The following INTS1 variants were observed in gnomAD, a reference collection of about 807,000 sequenced individuals.
The protein encoded by INTS1 is integrator complex subunit 1.
Under a neutral mutation model 241.6 loss-of-function variants are expected in INTS1, and 137 were observed. The ratio of observed to expected loss-of-function variants is 0.57; its 90% CI spans 0.49 to 0.65. The LOEUF (loss-of-function observed/expected upper bound fraction) is 0.65. INTS1 is among the 30% of genes least tolerant of loss of function. The probability of loss-of-function intolerance (pLI) is 0.00; values close to 1 mark genes in which losing one functional copy is unlikely to be tolerated. For missense variants in INTS1, 3,073 were observed against 3,032.2 expected (o/e 1.01, Z -0.32); for synonymous variants, 1,692 against 1,337.8 (o/e 1.26, Z -5.78).
intron 3 of INTS1, among the ~76,000 whole-genome samples, chr7:1,502,637 C>A (rs545019327): frequency 6.6e-6 from 1 of 152,252 alleles, no homozygotes; most frequent in African/African-American, 2.4e-5. Context: ...AAGGGGGCGT[C>A]CAACAGACAC....
At chr7:1,478,248 T>A in intron 33 of INTS1, 118 bp downstream of exon 33, 1 of 1,204,296 alleles carries the variant, frequency 8.3e-7, no homozygotes, top group Non-Finnish European at 1.2e-6. Context: ...CTGTGGGCAC[T>A]TTCCGGGGAC....
At chr7:1,503,251 T>C (rs1783284644) in intron 2 of INTS1, 60 bp from the exon 3 acceptor site, 1 of 1,478,672 alleles carries the variant, frequency 6.8e-7, no homozygotes, top group African/African-American at 1.4e-5. Flanking sequence ...GGAAAAAGAC[T>C]GACTCTAACC....
At chr7:1,485,889 C>T (rs1782238376) in intron 22 of INTS1, among the ~76,000 whole-genome samples, 1 of 152,178 alleles carries the variant, frequency 6.6e-6, no homozygotes, top group Non-Finnish European at 1.5e-5. Context: ...CTCACTACAG[C>T]CTCAAGTGAT....
In INTS1 at chr7:1,496,202, C is replaced by A. The variant is rs3735659; in HGVS notation, c.1665G>T (p.Ala555=). ...LAVSMMLGIT[A]QVKEAGIAWD... is the part of the protein sequence containing the mutation. The stretch of plus-strand genomic sequence containing the variant: ...AGGCGATGCCGGCCTCCTTCACCTG[C>A]GCTGTGATGCCCAGCATCATGGACA... The change falls in exon 12 of 48, where the codon GCG becomes GCT. Residue 555 remains alanine (A), a synonymous_variant. Coordinates refer to ENST00000404767, the MANE Select transcript of INTS1 (RefSeq NM_001080453.3). The A allele has an allele frequency of 1.9e-6, 3 of 1,613,880 alleles. No individual in the cohort carries two copies. Among genetic ancestry groups the A allele is most frequent in the Admixed American group, 1.7e-5 (1 of 60,026 alleles).
rs1004044257 is a variant in INTS1, at chr7:1,470,828, C to T, written c.6457+18G>A. 3.2e-6 allele frequency: 5 copies of T among 1,557,884 alleles called. No individual in the cohort carries two copies. Among genetic ancestry groups the T allele is most frequent in the African/African-American group, 1.4e-5 (1 of 73,458 alleles). The stretch of plus-strand genomic sequence containing the variant: ...CCCCGAGGGCTGCCAGGGCCCTGGG[C>T]GGGGGGCCAGTCCTCACCTTGGCAC... On this transcript the variant is annotated intron_variant, in intron 47 of 47. Transcript: ENST00000404767.
chr7:1,495,445 T>A lies in INTS1; in HGVS notation c.1820A>T (p.Asp607Val). ...VPSISKLAPKDYVHCLHKVLF... is the reference protein window; with the variant it reads ...VPSISKLAPKVYVHCLHKVLF... ...GCCCCAGCCGCACCAGTGCACGTAG[T>A]CCTTAGGGGCGAGCTTGCTGATGGA... Residue 607 changes from aspartate (D) to valine (V), a missense_variant, in exon 13 of 48, where the codon GAC (aspartate) becomes GTC (valine). Asp to Val is a radical substitution (Grantham distance 152). Transcript: ENST00000404767. 6.2e-7 allele frequency: 1 copy of A among 1,611,776 alleles called. No individual in the cohort carries two copies. Among genetic ancestry groups the A allele is most frequent in the South Asian group, 1.1e-5 (1 of 91,046 alleles).
rs760413318 is a variant in INTS1, at chr7:1,487,444, G to T, written c.2522C>A (p.Pro841His). The part of the protein sequence containing the change: ...SQLTSLDPQG[P>H]PRRPPPHILD... ...GATGTGAGGGGGAGGCCTCCGGGGG[G>T]GCCCCCTGAGGGCCACAGGGGACAC... Residue 841 changes from proline (P) to histidine (H), a missense_variant, in exon 20 of 48, where the codon CCC becomes CAC. Transcript: ENST00000404767. 6.2e-7 allele frequency: 1 copy of T among 1,611,008 alleles called. No homozygotes were observed. Among genetic ancestry groups the T allele is most frequent in the Non-Finnish European group, 8.5e-7 (1 of 1,179,346 alleles).
rs1347266104 is a variant in INTS1, at chr7:1,476,017, C to A, written c.5433G>T (p.Pro1811=). The change falls in exon 39 of 48, where the codon CCG becomes CCT. Residue 1811 remains proline, a synonymous_variant. Coordinates refer to ENST00000404767, the MANE Select transcript of INTS1 (RefSeq NM_001080453.3). ...CCTCAGGCACGGGCACCCGCAGCTC[C>A]GGCCGCTGTAGGTAGAGCTGCAGGA... The part of the protein sequence containing the change: ...DLLLQLYLQR[P]ELRVPVPEVL... 2 of 1,546,030 alleles carry A rather than the reference C, an allele frequency of 1.3e-6. No homozygotes were observed. Among genetic ancestry groups the A allele is most frequent in the Non-Finnish European group, 1.7e-6 (2 of 1,146,730 alleles).
intron 41 of INTS1, 56 bp downstream of exon 41, chr7:1,474,112 G>C (rs906855205): frequency 6.7e-7 from 1 of 1,497,054 alleles, no homozygotes; most frequent in African/African-American, 1.4e-5. Context: ...AGGCAGGCCT[G>C]GGCCAGAGCA....
Position 1,479,553 on chromosome 7 carries a change from C to T in INTS1, c.4206G>A (p.Thr1402=), listed in dbSNP as rs758569026. Reference sequence around the variant, plus strand: ...TGGCGAGGGCCTGCAGGACACGCACCGTGATGCCCGGCACCTCGGGGCTGC... The same window carrying T: ...TGGCGAGGGCCTGCAGGACACGCACTGTGATGCCCGGCACCTCGGGGCTGC... ...VQGSPEVPGI[T]VRVLQALATL... The change falls in exon 31 of 48, where the codon ACG becomes ACA. Residue 1402 remains threonine (T), a synonymous_variant. Coordinates refer to ENST00000404767, the MANE Select transcript of INTS1 (RefSeq NM_001080453.3). The T allele has an allele frequency of 6.0e-5, 94 of 1,554,180 alleles. No homozygotes were observed. Among genetic ancestry groups the T allele is most frequent in the South Asian group, 2.3e-4 (19 of 84,374 alleles).
Position 1,497,076 on chromosome 7 carries a change from G to C in INTS1, c.1602+62C>G. 1 of 1,485,322 alleles carries C rather than the reference G, an allele frequency of 6.7e-7. No individual in the cohort carries two copies. Among genetic ancestry groups the C allele is most frequent in the South Asian group, 1.3e-5 (1 of 76,806 alleles). The allele number at this position is 1,485,322 out of a possible 1,614,324, so 92.0% of individuals were successfully genotyped here. A position where few individuals can be genotyped will look rare whatever the true frequency, so the allele number is the denominator to read the frequency against. The stretch of plus-strand genomic sequence containing the variant: ...GAGTGTGCATGGGACCCAGGACGAG[G>C]GGGATGGCGGCGCGTGGAACCCGCA... On this transcript the variant is annotated intron_variant, in intron 11 of 47. Transcript: ENST00000404767. This position sits in a 1 kb window ranked among gnomAD's most constrained non-coding sequence, Gnocchi z 5.3.
chr7:1,478,676 G>T, intron 32 of INTS1, 50 bp downstream of exon 32: 1 of 1,505,894 alleles, frequency 6.6e-7, no homozygotes, highest in African/African-American at 1.4e-5. Flanking sequence ...CTCTGAGTGA[G>T]CCCCTGTCCA....
rs200523490 is a variant in INTS1, at chr7:1,499,877, C to T, written c.684+7G>A. On this transcript the variant is annotated splice_region_variant and intron_variant, in intron 5 of 47. Transcript: ENST00000404767. ...CCATCTTCACCGTCCCGGGAGAGGA[C>T]GCTCACCTTGACAAAGATCTCGGGC... 6.5e-5 allele frequency: 104 copies of T among 1,610,804 alleles called. No individual in the cohort carries two copies. The highest frequency in any genetic ancestry group is 1.7e-4 in the Middle Eastern group (1 of 6,050).
At chr7:1,480,128 T>TG (rs1453869183) in intron 30 of INTS1, among the ~76,000 whole-genome samples, 189 bp downstream of exon 30, 3 of 152,268 alleles carry the variant, frequency 2.0e-5, no homozygotes. Context: ...TCTGAGAGCA[T>TG]GGGGGTGTTA....
At position 1,499,345 on chromosome 7, in the gene INTS1, G is replaced by T. The variant is rs1490391842; in HGVS notation, c.860C>A (p.Pro287His). ...GCTGTCCTCCTCCTCCGTGAGGGAG[G>T]GGTGTGGGCTGCTCCCTGCAAACCA... ...GDLGAGSSPH[P>H]SLTEEEDSQT... The change falls in exon 7 of 48, where the codon CCC (proline) becomes CAC (histidine). Residue 287 changes from proline (P) to histidine (H), a missense_variant. Pro to His is a moderately conservative substitution (Grantham distance 77). Transcript: ENST00000404767. The T allele has an allele frequency of 6.3e-6, 10 of 1,588,632 alleles. No individual in the cohort carries two copies. The highest frequency in any genetic ancestry group is 1.3e-5 in the African/African-American group (1 of 74,372).
At chr7:1,473,739 C>A (rs777277836) in intron 41 of INTS1, 46 bp from the exon 42 acceptor site, 2 of 1,609,196 alleles carry the variant, frequency 1.2e-6, no homozygotes, top group Non-Finnish European at 8.5e-7. Flanking sequence ...CCCCGCAGGG[C>A]CAAAACAGAG....
At chr7:1,500,100 A>G (rs1434500046) in intron 4 of INTS1, 70 bp downstream of exon 4, 1 of 1,588,892 alleles carries the variant, frequency 6.3e-7, no homozygotes, top group Non-Finnish European at 8.6e-7. Flanking sequence ...AGGGACACTT[A>G]AGGGGGAGGT....
chr7:1,491,754 T>C (rs1407292147), intron 16 of INTS1, among the ~76,000 whole-genome samples: 1 of 152,064 alleles, frequency 6.6e-6, no homozygotes, highest in East Asian at 1.9e-4. Flanking sequence ...TAAAATTAGC[T>C]GGGCATGGTG....
chr7:1,501,750 G>C (rs1054621223), intron 3 of INTS1, among the ~76,000 whole-genome samples: 1 of 152,090 alleles, frequency 6.6e-6, no homozygotes, highest in Non-Finnish European at 1.5e-5. Context: ...TCCTAAAGCA[G>C]TCCCCCAGCT....
Sources: allele counts gnomAD v4.1 joint callset (sites outside exome capture counted in the v4.1 genomes callset), GRCh38; gene constraint gnomAD v4.1.1; non-coding constraint Gnocchi (gnomAD v3.1); transcripts MANE v1.5; gene names NCBI Gene and HGNC (gene_info 2026-07-23, HGNC 2026-07-21).